Variants in CNTNAP2 observed in about 807,000 individuals in gnomAD.
The protein encoded by CNTNAP2 is contactin-associated protein-like 2.
CNTNAP2 carries 98 observed loss-of-function variants against 155.2 expected under a neutral mutation model. The ratio of observed to expected loss-of-function variants is 0.63; its 90% CI spans 0.54 to 0.75. The LOEUF (loss-of-function observed/expected upper bound fraction) is 0.75, where lower values mean the gene tolerates loss of function less well. Ranked by LOEUF, CNTNAP2 falls within the 30% of genes least tolerant of loss-of-function variation. The pLI, the probability that CNTNAP2 is intolerant of heterozygous loss-of-function variation, is 0.00. For synonymous variants in CNTNAP2, 651 were observed against 631.2 expected, an observed-to-expected ratio of 1.03 and a Z score of -0.47; for missense variants, 1,727 against 1,688.1, an observed-to-expected ratio of 1.02 and a Z score of -0.40.
chr7:147,650,732 A>T (rs1795437264), intron 13 of CNTNAP2, among the ~76,000 whole-genome samples: 1 of 152,098 alleles, frequency 6.6e-6, no homozygotes, highest in African/African-American at 2.4e-5. Flanking sequence ...GGGGAGTCAA[A>T]GATGTAGGTC....
At chr7:147,986,536 T>C (rs1801619894) in intron 15 of CNTNAP2, among the ~76,000 whole-genome samples, 2 of 152,234 alleles carry the variant, frequency 1.3e-5, no homozygotes, top group Admixed American at 1.3e-4. Flanking sequence ...CCTCTCATTT[T>C]ACAGATCAGG....
chr7:146,518,549 G>T (rs1288879956), intron 1 of CNTNAP2, among the ~76,000 whole-genome samples: 2 of 151,774 alleles, frequency 1.3e-5, no homozygotes, highest in African/African-American at 4.8e-5. Flanking sequence ...TTTGGCAGAT[G>T]CTTATTTGGA....
rs766092951 is a variant in CNTNAP2 at position 147,162,350 on chromosome 7, G to A, written c.1348+29841G>A. The stretch of plus-strand genomic sequence containing the variant: ...TTTAACTATTATTATGAATAATGTT[G>A]TACAGTACAAAATTAAAAAAAGACT... On this transcript the variant is annotated intron_variant, in intron 8 of 23. Transcript: ENST00000361727. Among the ~76,000 whole-genome samples, 5 of 152,058 alleles carry A rather than the reference G, an allele frequency of 3.3e-5. No individual in the cohort carries two copies. In the East Asian group the frequency reaches 7.7e-4, roughly 23 times the overall value.
intron 1 of CNTNAP2, among the ~76,000 whole-genome samples, chr7:146,643,124 A>C (rs1175012978): frequency 2.0e-5 from 3 of 148,462 alleles, no homozygotes; most frequent in African/African-American, 7.5e-5. Context: ...GTTCACTCTG[A>C]TGGTAGTTTC....
intron 13 of CNTNAP2, among the ~76,000 whole-genome samples, chr7:147,679,987 C>G (rs1193554206): frequency 6.7e-6 from 1 of 150,166 alleles, no homozygotes; most frequent in Non-Finnish European, 1.5e-5. Context: ...TTTTTTAATT[C>G]CACTGGTTAC....
intron 1 of CNTNAP2, among the ~76,000 whole-genome samples, chr7:146,190,494 A>G (rs573682485): frequency 6.6e-6 from 1 of 152,232 alleles, no homozygotes; most frequent in African/African-American, 2.4e-5. Context: ...CTTTTTCACC[A>G]TTGCTCTGGC....
intron 12 of CNTNAP2, among the ~76,000 whole-genome samples, chr7:147,620,129 G>T (rs1287656055): frequency 8.5e-5 from 13 of 152,180 alleles, no homozygotes; most frequent in Admixed American, 4.6e-4. Flanking sequence ...CTGGGCTTGG[G>T]GTGCCCCCTA....
chr7:147,387,304 C>T (rs188165615), intron 9 of CNTNAP2, among the ~76,000 whole-genome samples: 75 of 152,318 alleles, frequency 4.9e-4, no homozygotes, highest in African/African-American at 1.7e-3. Context: ...TTAGTAATTT[C>T]TTCACTTTCA....
chr7:146,871,873 AAC>A (rs1331465101), intron 3 of CNTNAP2, among the ~76,000 whole-genome samples: 1 of 152,012 alleles, frequency 6.6e-6, no homozygotes, highest in Non-Finnish European at 1.5e-5. Flanking sequence ...AAATTCAAAA[AAC>A]ACAGAACTAT....
chr7:147,301,800 G>A (rs370769983), intron 9 of CNTNAP2, among the ~76,000 whole-genome samples: 21 of 152,046 alleles, frequency 1.4e-4, no homozygotes, highest in Non-Finnish European at 2.8e-4. Context: ...TAAGCAAGAC[G>A]TCACTTTATT....
At chr7:146,160,962 T>C (rs933562826) in intron 1 of CNTNAP2, among the ~76,000 whole-genome samples, 3 of 152,200 alleles carry the variant, frequency 2.0e-5, no homozygotes, top group Non-Finnish European at 4.4e-5. Flanking sequence ...AATAAAATAC[T>C]GGGAACCCGA....
intron 12 of CNTNAP2, among the ~76,000 whole-genome samples, chr7:147,623,047 C>T (rs1794896053): frequency 6.6e-6 from 1 of 152,012 alleles, no homozygotes; most frequent in Non-Finnish European, 1.5e-5. Flanking sequence ...CACATACAAC[C>T]TAGCAAGATT....
At chr7:148,296,409 T>C (rs1046200190) in intron 21 of CNTNAP2, among the ~76,000 whole-genome samples, 1 of 151,428 alleles carries the variant, frequency 6.6e-6, no homozygotes, top group Non-Finnish European at 1.5e-5. Flanking sequence ...TATCCAGGCA[T>C]AGTGGCATAC....
chr7:148,192,452 C>T (rs747251894), intron 18 of CNTNAP2, among the ~76,000 whole-genome samples: 5 of 151,468 alleles, frequency 3.3e-5, no homozygotes, highest in African/African-American at 7.3e-5. Flanking sequence ...TACAGAAAAA[C>T]GCAAGCAAAA....
intron 13 of CNTNAP2, among the ~76,000 whole-genome samples, chr7:147,698,241 T>C (rs568802092): frequency 6.6e-6 from 1 of 152,304 alleles, no homozygotes; most frequent in South Asian, 2.1e-4. Context: ...CCTAATCTCC[T>C]TACATGCCAG....
chr7:146,220,313 A>G (rs143307502), intron 1 of CNTNAP2, among the ~76,000 whole-genome samples: 1,947 of 152,120 alleles, frequency 0.013, 52 homozygotes, highest in African/African-American at 0.044. Context: ...CTAGTTTTCA[A>G]TGAAATTTTC....
chr7:146,640,100 G>A (rs1206560493), intron 1 of CNTNAP2, among the ~76,000 whole-genome samples: 1 of 152,218 alleles, frequency 6.6e-6, no homozygotes, highest in Non-Finnish European at 1.5e-5. Flanking sequence ...ATTATCAGGA[G>A]AAGAAACAAG....
chr7:146,314,379 A>T (rs1800875401), intron 1 of CNTNAP2, among the ~76,000 whole-genome samples: 2 of 152,128 alleles, frequency 1.3e-5, no homozygotes, highest in Non-Finnish European at 2.9e-5. Context: ...GTCCCTAGGA[A>T]TGTGGCTGGA....
intron 9 of CNTNAP2, among the ~76,000 whole-genome samples, chr7:147,376,475 G>C (rs1442154837): frequency 6.6e-6 from 1 of 151,990 alleles, no homozygotes; most frequent in African/African-American, 2.4e-5. Context: ...ATCAGGTACA[G>C]ACATATTTAG....
Sources: gnomAD v4.1 joint callset for allele counts (sites outside exome capture counted in the v4.1 genomes callset) on GRCh38, gnomAD v4.1.1 for gene constraint, MANE v1.5 for transcripts, NCBI Gene and HGNC (gene_info 2026-07-23, HGNC 2026-07-21) for gene names.